TRIM16: variants seen among roughly 807,000 people sequenced by gnomAD.
TRIM16 encodes the protein tripartite motif-containing protein 16.
TRIM16 carries 33 observed loss-of-function variants against 50.4 expected under a neutral mutation model. That is an observed-to-expected ratio of 0.65 (90% confidence interval 0.50 to 0.88). The LOEUF (loss-of-function observed/expected upper bound fraction) is 0.88. Among genes scored for constraint, TRIM16 ranks in the 40% least tolerant of loss-of-function variants. The pLI, the probability that TRIM16 is intolerant of heterozygous loss-of-function variation, is 0.00. For missense variants in TRIM16, 581 were observed against 686.8 expected, an observed-to-expected ratio of 0.85 and a Z score of 1.72; for synonymous variants, 229 against 270.7, an observed-to-expected ratio of 0.85 and a Z score of 1.51.
chr17:15,662,631 TC>T (rs1988292313), intron 6 of TRIM16, among the ~76,000 whole-genome samples: 1 of 152,174 alleles, frequency 6.6e-6, no homozygotes, highest in South Asian at 2.1e-4. Flanking sequence ...TGAGAGCAGA[TC>T]AGCCTTTGAA....
Position 15,651,274 on chromosome 17 carries a change from G to A in TRIM16, c.336C>T (p.Ile112=). ...CGGTCAGCAGGTGGCTTTGCAGTTTGATGTTCACCTGATGCGGCTGCAAGT... is the reference window on the plus strand; with the variant it reads ...CGGTCAGCAGGTGGCTTTGCAGTTTAATGTTCACCTGATGCGGCTGCAAGT... ...EEHLQPHQVN[I]KLQSHLLTEP... is the part of the protein sequence containing the mutation. Residue 112 remains isoleucine (I), a synonymous_variant, in exon 7 of 12, where the codon ATC becomes ATT. Transcript: ENST00000649191. The A allele has an allele frequency of 1.2e-6, 2 of 1,614,228 alleles. No homozygotes were observed. The highest frequency in any genetic ancestry group is 1.7e-6 in the Non-Finnish European group (2 of 1,180,040).
intron 10 of TRIM16, 147 bp from the exon 11 acceptor site, chr17:15,631,861 A>G: frequency 2.9e-6 from 2 of 688,466 alleles, no homozygotes; most frequent in South Asian, 3.6e-5. Flanking sequence ...TACGCTCAAT[A>G]GACTACATTT....
chr17:15,652,680 C>T lies in TRIM16; in HGVS notation c.-337-734G>A, dbSNP rs62070423. On this transcript the variant is annotated intron_variant, in intron 6 of 11. Transcript: ENST00000649191. Reference sequence around the variant, plus strand: ...TTCACCATGTTGGCCAGGCTGGTCTCGAACCCTTGACCTCAGGTGATCTGC... The same window carrying T: ...TTCACCATGTTGGCCAGGCTGGTCTTGAACCCTTGACCTCAGGTGATCTGC... Among the ~76,000 whole-genome samples, 279 of 152,028 alleles carry T rather than the reference C, an allele frequency of 1.8e-3. 2 individuals are homozygous for T. The highest frequency in any genetic ancestry group is 0.017 in the East Asian group (86 of 5,152).
chr17:15,642,961 G>A, intron 7 of TRIM16, 145 bp from the exon 8 acceptor site: 3 of 456,372 alleles, frequency 6.6e-6, no homozygotes, highest in Non-Finnish European at 6.1e-6. Flanking sequence ...CAGCCGGGAG[G>A]CACGAAGGGT....
At position 15,628,840 on chromosome 17, in the gene TRIM16, G is replaced by A. The variant is rs1176929925; in HGVS notation, c.1470C>T (p.Gly490=). Residue 490 remains glycine, a synonymous_variant, in exon 12 of 12, where the codon GGC becomes GGT. Coordinates refer to ENST00000649191, the MANE Select transcript of TRIM16 (RefSeq NM_001348119.1). The part of the protein sequence containing the change: ...YSDMETPLKA[G]PFRRLGVYID... ...TATAGACCCCGAGCCTCCGGAAAGG[G>A]CCAGCTTTGAGTGGGGTCTCCATGT... 1 of 1,614,082 alleles carries A rather than the reference G, an allele frequency of 6.2e-7. No individual in the cohort carries two copies. The highest frequency in any genetic ancestry group is 8.5e-7 in the Non-Finnish European group (1 of 1,180,024).
At chr17:15,673,006 G>A (rs987162032) in intron 6 of TRIM16, among the ~76,000 whole-genome samples, 8 of 152,126 alleles carry the variant, frequency 5.3e-5, no homozygotes, top group Non-Finnish European at 1.2e-4. Flanking sequence ...ACCCATTCTA[G>A]GACAGACCTT....
At chr17:15,634,447 C>T (rs986874981) in intron 9 of TRIM16, among the ~76,000 whole-genome samples, 6 of 148,236 alleles carry the variant, frequency 4.0e-5, no homozygotes, top group Admixed American at 2.7e-4. Context: ...CTGACCAACA[C>T]GGAGAAACCC....
At chr17:15,639,312 C>G (rs1987010379) in intron 8 of TRIM16, among the ~76,000 whole-genome samples, 2 of 147,496 alleles carry the variant, frequency 1.4e-5, no homozygotes, top group Non-Finnish European at 3.0e-5. Context: ...TCCCAAAGTG[C>G]TGGGATTACA....
In TRIM16 at chr17:15,682,845, C is replaced by T. The variant is rs1455100075; in HGVS notation, c.-679+9G>A. 2.8e-6 allele frequency: 4 copies of T among 1,425,462 alleles called. No homozygotes were observed. Among genetic ancestry groups the T allele is most frequent in the Non-Finnish European group, 3.7e-6 (4 of 1,094,424 alleles). 88.3% of individuals were successfully genotyped at this position (1,425,462 alleles called of 1,614,324 possible). On this transcript the variant is annotated intron_variant, in intron 3 of 11. Transcript: ENST00000649191. ...TTAGTAAAATCACCACCATTCTTCG[C>T]ACACTCACCACGCACCAGGTGCTTT...
intron 11 of TRIM16, among the ~76,000 whole-genome samples, chr17:15,630,477 T>G (rs1451757296): frequency 6.6e-6 from 1 of 152,224 alleles, no homozygotes; most frequent in Non-Finnish European, 1.5e-5. Context: ...CAGTATATAC[T>G]TGCCAAATGA....
intron 4 of TRIM16, among the ~76,000 whole-genome samples, 187 bp downstream of exon 4, chr17:15,680,678 T>C (rs1248109191): frequency 1.3e-5 from 2 of 152,118 alleles, no homozygotes; most frequent in Admixed American, 6.5e-5. Context: ...CACCATCTCA[T>C]TGGCAGTCCA....
At chr17:15,643,481 G>C (rs1438430288) in intron 7 of TRIM16, among the ~76,000 whole-genome samples, 1 of 142,884 alleles carries the variant, frequency 7.0e-6, no homozygotes, top group Non-Finnish European at 1.5e-5. Flanking sequence ...CGGAAGCCCT[G>C]GTTTCCAGTT....
At chr17:15,663,639 T>C (rs138493174) in intron 6 of TRIM16, among the ~76,000 whole-genome samples, 54 of 152,326 alleles carry the variant, frequency 3.5e-4, no homozygotes, top group African/African-American at 1.2e-3. Context: ...CGTGTCCTTA[T>C]TGCTGCAGCC....
rs140941496 is a variant in TRIM16, at chr17:15,628,963, G to A, written c.1347C>T (p.Ile449=). ...TGTTGCGCTCCTCCCCTTTCCGGTC[G>A]ATGCCTTTGCAGGTCAGGCCAACAT... ...GTYVGLTCKG[I]DRKGEERNSC... The change falls in exon 12 of 12, where the codon ATC becomes ATT. Residue 449 remains isoleucine, a synonymous_variant. Coordinates refer to ENST00000649191, the MANE Select transcript of TRIM16 (RefSeq NM_001348119.1). 0.011 allele frequency: 17,870 copies of A among 1,614,178 alleles called. 114 individuals are homozygous for A. The highest frequency in any genetic ancestry group is 0.021 in the East Asian group (924 of 44,868).
intron 6 of TRIM16, among the ~76,000 whole-genome samples, chr17:15,659,811 A>C (rs139247050): frequency 4.1e-4 from 62 of 152,360 alleles, no homozygotes; most frequent in African/African-American, 1.4e-3. Context: ...TCCAGCTCCC[A>C]GTCAAAATGG....
intron 9 of TRIM16, among the ~76,000 whole-genome samples, chr17:15,634,419 T>C (rs1456269895): frequency 1.4e-5 from 2 of 147,100 alleles, no homozygotes; most frequent in African/African-American, 5.0e-5. Flanking sequence ...CACCTAAGGT[T>C]GGGAGTTCAA....
rs1250803167 is a variant in TRIM16 at position 15,648,175 on chromosome 17, G to A, written c.519+2916C>T. On this transcript the variant is annotated intron_variant, in intron 7 of 11. Transcript: ENST00000649191. ...CGGGAGGCAGAGCTTGCAGTGAGCCGAGATTGCACCGCTGCACTCCAGCCT... is the reference window on the plus strand; with the variant it reads ...CGGGAGGCAGAGCTTGCAGTGAGCCAAGATTGCACCGCTGCACTCCAGCCT... 5.3e-5 allele frequency among the ~76,000 whole-genome samples: 8 copies of A among 150,364 alleles called. No individual in the cohort carries two copies. The South Asian group carries it at 1.5e-3, about 28-fold the overall frequency.
chr17:15,679,518 T>C (rs550389478), intron 4 of TRIM16, among the ~76,000 whole-genome samples: 89 of 152,316 alleles, frequency 5.8e-4, no homozygotes, highest in African/African-American at 1.9e-3. Context: ...AACAAAGTGA[T>C]TTAGCCCTGT....
At position 15,651,567 on chromosome 17, in the gene TRIM16, C is replaced by A; in HGVS notation, c.43G>T (p.Ala15Ser). Residue 15 changes from alanine to serine, a missense_variant, in exon 7 of 12, where the codon GCC becomes TCC. Transcript: ENST00000649191. Reference protein sequence around the residue: ...DLMAPGPLPRATAQPPAPLSP... With the variant: ...DLMAPGPLPRSTAQPPAPLSP... ...AGAGGGGCTGGGGGCTGAGCAGTGGCCCTGGGCAGTGGCCCTGGAGCCATT... is the reference window on the plus strand; with the variant it reads ...AGAGGGGCTGGGGGCTGAGCAGTGGACCTGGGCAGTGGCCCTGGAGCCATT... 6.2e-7 allele frequency: 1 copy of A among 1,613,756 alleles called. No homozygotes were observed. Among genetic ancestry groups the A allele is most frequent in the Non-Finnish European group, 8.5e-7 (1 of 1,179,780 alleles).
Sources: allele counts gnomAD v4.1 joint callset (sites outside exome capture counted in the v4.1 genomes callset), GRCh38; gene constraint gnomAD v4.1.1; transcripts MANE v1.5; gene names NCBI Gene and HGNC (gene_info 2026-07-23, HGNC 2026-07-21).